The following FOXP1 variants were observed in gnomAD, a reference collection of about 807,000 sequenced individuals.
The protein encoded by FOXP1 is forkhead box P1.
Under a neutral mutation model 98.2 loss-of-function variants are expected in FOXP1, and 15 were observed. That is an observed-to-expected ratio of 0.15 (90% CI 0.10 to 0.24). The LOEUF is 0.24. FOXP1 is among the 10% of genes least tolerant of loss of function. The probability of loss-of-function intolerance (pLI) is 1.00; values close to 1 mark genes in which losing one functional copy is unlikely to be tolerated. For synonymous variants in FOXP1, 371 were observed against 314.5 expected (o/e 1.18, Z -1.90); for missense variants, 633 against 848.5 (o/e 0.75, Z 3.15).
At chr3:71,273,279 T>C (rs566791211) in intron 5 of FOXP1, among the ~76,000 whole-genome samples, 1 of 152,278 alleles carries the variant, frequency 6.6e-6, no homozygotes, top group Admixed American at 6.5e-5. Context: ...AACAATCAAA[T>C]GATAATTTGC....
chr3:71,346,314 T>C (rs527828852), intron 4 of FOXP1, among the ~76,000 whole-genome samples: 3 of 152,170 alleles, frequency 2.0e-5, no homozygotes, highest in Non-Finnish European at 4.4e-5. Flanking sequence ...AGCCATGATA[T>C]ATAAAGTAAG....
chr3:71,054,921 T>C (rs572011487), intron 7 of FOXP1, among the ~76,000 whole-genome samples: 3 of 152,160 alleles, frequency 2.0e-5, no homozygotes, highest in African/African-American at 7.2e-5. Flanking sequence ...TGTCATCTCA[T>C]GTATTACAAT....
At chr3:70,972,346 A>G (rs2036445926) in intron 18 of FOXP1, 2 of 875,580 alleles carry the variant, frequency 2.3e-6, no homozygotes, top group Admixed American at 2.3e-5. Context: ...AAAAGCTACT[A>G]GCATGTGATG....
Position 70,958,215 on chromosome 3 carries a change from GAAAA to G in FOXP1, c.*1028_*1031del. 1 of 378,716 alleles carries G rather than the reference GAAAA, an allele frequency of 2.6e-6. No individual in the cohort carries two copies. The highest frequency in any genetic ancestry group is 4.9e-6 in the Non-Finnish European group (1 of 202,904). The allele number at this position is 378,716 out of a possible 1,614,324, so 23.5% of individuals were successfully genotyped here. On this transcript the variant is annotated 3_prime_UTR_variant, in exon 21 of 21. Coordinates refer to ENST00000649528, the MANE Select transcript of FOXP1 (RefSeq NM_001349338.3). ...TTGCTGCAAAAAAAAAAAAAGAAAA[GAAAA>G]GAAAAAAAGAAAATCCGAAACACCC... is the stretch of plus-strand genomic sequence containing the variant.
intron 7 of FOXP1, among the ~76,000 whole-genome samples, chr3:71,090,736 T>C (rs1198217599): frequency 6.6e-6 from 1 of 152,104 alleles, no homozygotes; most frequent in Non-Finnish European, 1.5e-5. Context: ...TGCACTGCCA[T>C]TACAGGAGAG....
intron 12 of FOXP1, among the ~76,000 whole-genome samples, chr3:71,004,983 T>C (rs1369301907): frequency 6.6e-6 from 1 of 151,872 alleles, no homozygotes; most frequent in Non-Finnish European, 1.5e-5. Flanking sequence ...CTATGGAAAA[T>C]GTGGAGACAT....
At chr3:71,053,582 G>T in intron 8 of FOXP1, 54 bp downstream of exon 8, 2 of 1,610,556 alleles carry the variant, frequency 1.2e-6, no homozygotes, top group South Asian at 1.1e-5. Context: ...ATGGAGTGAT[G>T]GGGGCCCCTG....
intron 6 of FOXP1, among the ~76,000 whole-genome samples, chr3:71,169,109 A>G (rs763329589): frequency 2.2e-4 from 33 of 152,172 alleles, no homozygotes; most frequent in Admixed American, 1.9e-3. Context: ...AAGCATAGAT[A>G]CCTGCTCATA....
At chr3:71,368,763 C>T (rs1028636597) in intron 3 of FOXP1, among the ~76,000 whole-genome samples, 3 of 152,122 alleles carry the variant, frequency 2.0e-5, no homozygotes, top group Non-Finnish European at 2.9e-5. Flanking sequence ...TCAGCAGTAG[C>T]AAGGGGCAGC....
intron 13 of FOXP1, among the ~76,000 whole-genome samples, chr3:70,993,092 C>A (rs2040855715): frequency 6.6e-6 from 1 of 152,132 alleles, no homozygotes; most frequent in Non-Finnish European, 1.5e-5. Context: ...ACAAATAGCA[C>A]CACTAATGGT....
rs1413867743 is a variant in FOXP1, at chr3:71,228,246, G to C, written c.-11-29854C>G. Among the ~76,000 whole-genome samples, 3 of 152,174 alleles carry C rather than the reference G, an allele frequency of 2.0e-5. 1 individual carries two copies. The highest frequency in any genetic ancestry group is 3.9e-4 in the East Asian group (2 of 5,184). Reference sequence around the variant, plus strand: ...TAGTGACAAGAGATTTGGTACCTAAGTGGAGAACTTACTGTTTTCAATTCT... The same window carrying C: ...TAGTGACAAGAGATTTGGTACCTAACTGGAGAACTTACTGTTTTCAATTCT... On this transcript the variant is annotated intron_variant, in intron 5 of 20. Coordinates refer to ENST00000649528, the MANE Select transcript of FOXP1 (RefSeq NM_001349338.3).
At chr3:71,233,181 CGA>C (rs1560157713) in intron 5 of FOXP1, among the ~76,000 whole-genome samples, 1 of 136,672 alleles carries the variant, frequency 7.3e-6, no homozygotes. Flanking sequence ...AGAGAGAAAG[CGA>C]AAGAAATAGA....
At chr3:71,531,759 A>G (rs936217245) in intron 2 of FOXP1, among the ~76,000 whole-genome samples, 3 of 152,212 alleles carry the variant, frequency 2.0e-5, no homozygotes, top group Non-Finnish European at 2.9e-5. Context: ...TGAAACCTAC[A>G]TGGAAAAGGC....
At chr3:71,184,158 A>C (rs2062505384) in intron 6 of FOXP1, among the ~76,000 whole-genome samples, 1 of 152,140 alleles carries the variant, frequency 6.6e-6, no homozygotes, top group Admixed American at 6.5e-5. Context: ...CTCAAAAACA[A>C]ACAAACAAAC....
In FOXP1 at chr3:71,577,073, G is replaced by A. The variant is rs144906944; in HGVS notation, c.-298+4476C>T. ...GACTGGGTAAAACAACAGTGCGTGC[G>A]AAGAACACAGCTTCTGGCACAACCT... On this transcript the variant is annotated intron_variant, in intron 2 of 20. Coordinates refer to ENST00000649528, the MANE Select transcript of FOXP1 (RefSeq NM_001349338.3). Among the ~76,000 whole-genome samples, 1,096 of 152,272 alleles carry A rather than the reference G, an allele frequency of 7.2e-3. 28 individuals are homozygous for A. The South Asian group carries it at 0.091, about 13-fold the overall frequency.
intron 4 of FOXP1, among the ~76,000 whole-genome samples, chr3:71,306,440 T>C (rs1026647119): frequency 1.3e-5 from 2 of 152,236 alleles, no homozygotes; most frequent in African/African-American, 4.8e-5. Flanking sequence ...TTAGTCACAA[T>C]TGTCAGATAT....
chr3:70,973,481 C>A (rs770931657), intron 17 of FOXP1, among the ~76,000 whole-genome samples: 1 of 152,084 alleles, frequency 6.6e-6, no homozygotes, highest in Admixed American at 6.5e-5. Flanking sequence ...CCCTTAACAT[C>A]GATAATTTAT....
intron 7 of FOXP1, among the ~76,000 whole-genome samples, chr3:71,084,141 C>T (rs991003295): frequency 6.6e-6 from 1 of 152,114 alleles, no homozygotes; most frequent in Non-Finnish European, 1.5e-5. Context: ...CTTTCGATCA[C>T]CCCAATTCAC....
intron 11 of FOXP1, among the ~76,000 whole-genome samples, chr3:71,034,411 G>C (rs1576329367): frequency 6.6e-6 from 1 of 152,226 alleles, no homozygotes; most frequent in East Asian, 1.9e-4. Context: ...TCTAGTCCCT[G>C]TATGGTCACT....
Sources: allele counts gnomAD v4.1 joint callset (sites outside exome capture counted in the v4.1 genomes callset), GRCh38; gene constraint gnomAD v4.1.1; transcripts MANE v1.5; gene names NCBI Gene and HGNC (gene_info 2026-07-23, HGNC 2026-07-21).